The following NXPH1 variants were observed in gnomAD, a reference collection of about 807,000 sequenced individuals.
The protein encoded by NXPH1 is neurexophilin-1.
A neutral mutation model predicts 23.7 loss-of-function variants in NXPH1; 5 were observed. The ratio of observed to expected loss-of-function variants is 0.21; its 90% CI spans 0.11 to 0.44. NXPH1 has a LOEUF of 0.44. NXPH1 is among the 20% of genes least tolerant of loss of function. The pLI, the probability that NXPH1 is intolerant of heterozygous loss-of-function variation, is 0.99. For missense variants in NXPH1, 324 were observed against 321.6 expected, an observed-to-expected ratio of 1.01 and a Z score of -0.06; for synonymous variants, 144 against 122.2, an observed-to-expected ratio of 1.18 and a Z score of -1.18.
chr7:8,569,084 A>C (rs571012993), intron 2 of NXPH1, among the ~76,000 whole-genome samples: 1 of 151,932 alleles, frequency 6.6e-6, no homozygotes, highest in Non-Finnish European at 1.5e-5. Flanking sequence ...CAGGTTGCCA[A>C]TTCTGATGCA....
At chr7:8,460,978 ATTTGTGT>A (rs1230701711) in intron 2 of NXPH1, among the ~76,000 whole-genome samples, 3 of 152,142 alleles carry the variant, frequency 2.0e-5, no homozygotes, top group African/African-American at 7.2e-5. Context: ...ACTTTTGGCT[ATTTGTGT>A]TTGGATCTTT....
At chr7:8,738,158 G>A (rs10281608) in intron 2 of NXPH1, among the ~76,000 whole-genome samples, 27,174 of 152,068 alleles carry the variant, frequency 0.18, 2,527 homozygotes, top group Admixed American at 0.22. Flanking sequence ...CTCATTCTCC[G>A]TCCAGTTTTG....
At chr7:8,615,158 A>G (rs964151390) in intron 2 of NXPH1, among the ~76,000 whole-genome samples, 11 of 152,028 alleles carry the variant, frequency 7.2e-5, no homozygotes, top group Non-Finnish European at 1.2e-4. Context: ...GTGCCCAGGA[A>G]TTCATCTGCA....
At chr7:8,448,662 A>G (rs1246664946) in intron 2 of NXPH1, among the ~76,000 whole-genome samples, 1 of 152,098 alleles carries the variant, frequency 6.6e-6, no homozygotes, top group East Asian at 1.9e-4. Flanking sequence ...ACTAAAATAC[A>G]AAAAACGAGC....
intron 2 of NXPH1, among the ~76,000 whole-genome samples, chr7:8,533,596 A>T (rs563231692): frequency 3.9e-5 from 6 of 152,302 alleles, no homozygotes; most frequent in African/African-American, 1.4e-4. Context: ...TAGCGGTATT[A>T]TAGGCAACTC....
intron 2 of NXPH1, among the ~76,000 whole-genome samples, chr7:8,684,171 C>G (rs900540904): frequency 1.3e-5 from 2 of 152,140 alleles, no homozygotes; most frequent in Non-Finnish European, 2.9e-5. Flanking sequence ...GCTCATGGGT[C>G]TGCCTTTTCA....
intron 2 of NXPH1, among the ~76,000 whole-genome samples, chr7:8,639,929 ATGT>A (rs1024108442): frequency 6.6e-6 from 1 of 152,212 alleles, no homozygotes; most frequent in Non-Finnish European, 1.5e-5. Flanking sequence ...AGTTTCAGGT[ATGT>A]TGTTATTAGC....
chr7:8,552,114 C>CAAAAAAAAAAAAAAAAAAAAAAA (rs34390317), intron 2 of NXPH1, among the ~76,000 whole-genome samples: 1 of 61,748 alleles, frequency 1.6e-5, no homozygotes, highest in Non-Finnish European at 3.3e-5. Flanking sequence ...GAAAAAAAAC[C>CAAAAAAAAAAAAAAAAAAAAAAA]AAAAAAAAAA....
intron 2 of NXPH1, among the ~76,000 whole-genome samples, chr7:8,648,475 T>G (rs2115149686): frequency 6.6e-6 from 1 of 152,366 alleles, no homozygotes; most frequent in Admixed American, 6.5e-5. Flanking sequence ...TCCACCCGCG[T>G]TGTTGCAAAT....
chr7:8,496,449 A>G (rs1466040350), intron 2 of NXPH1, among the ~76,000 whole-genome samples: 1 of 152,110 alleles, frequency 6.6e-6, no homozygotes, highest in Non-Finnish European at 1.5e-5. Flanking sequence ...GATTGTGTTC[A>G]TAATTTACAG....
chr7:8,750,970 G>A (rs1023799907), intron 2 of NXPH1, 38 bp from the exon 3 acceptor site: 2 of 1,596,282 alleles, frequency 1.3e-6, no homozygotes, highest in African/African-American at 1.3e-5. Context: ...ATTCTCAGAT[G>A]CAGAGATGTA....
chr7:8,529,731 G>T (rs1817922133), intron 2 of NXPH1, among the ~76,000 whole-genome samples: 1 of 152,000 alleles, frequency 6.6e-6, no homozygotes. Flanking sequence ...GTGAGCTAGG[G>T]CATAGTCTGG....
intron 2 of NXPH1, among the ~76,000 whole-genome samples, chr7:8,450,266 CTAA>C (rs1398147449): frequency 6.6e-6 from 1 of 152,178 alleles, no homozygotes; most frequent in Non-Finnish European, 1.5e-5. Context: ...GGCATTTAAT[CTAA>C]TGAGTCCTGC....
chr7:8,527,756 G>C (rs577658742), intron 2 of NXPH1, among the ~76,000 whole-genome samples: 8 of 152,158 alleles, frequency 5.3e-5, no homozygotes, highest in African/African-American at 1.9e-4. Context: ...ATATGAAATT[G>C]TTTGACAGAC....
chr7:8,747,767 G>GCACACA (rs113706004), intron 2 of NXPH1, among the ~76,000 whole-genome samples: 1 of 150,464 alleles, frequency 6.6e-6, no homozygotes, highest in Non-Finnish European at 1.5e-5. Flanking sequence ...TTTTATTCAC[G>GCACACA]CACACACACA....
intron 2 of NXPH1, among the ~76,000 whole-genome samples, chr7:8,605,190 A>G (rs901227107): frequency 2.0e-5 from 3 of 152,164 alleles, no homozygotes; most frequent in Middle Eastern, 3.2e-3. Context: ...AAGGTGATAT[A>G]AAAATGCAGT....
intron 2 of NXPH1, among the ~76,000 whole-genome samples, chr7:8,636,710 G>A (rs532513813): frequency 2.6e-5 from 4 of 152,172 alleles, no homozygotes; most frequent in Non-Finnish European, 5.9e-5. Context: ...GATGACATAC[G>A]TTACACACGT....
intron 2 of NXPH1, among the ~76,000 whole-genome samples, chr7:8,628,113 A>G (rs974641617): frequency 6.6e-6 from 1 of 152,144 alleles, no homozygotes; most frequent in Non-Finnish European, 1.5e-5. Flanking sequence ...CATAACAGAT[A>G]TATATTTTTT....
At chr7:8,636,124 G>C (rs1423703867) in intron 2 of NXPH1, among the ~76,000 whole-genome samples, 1 of 152,052 alleles carries the variant, frequency 6.6e-6, no homozygotes, top group African/African-American at 2.4e-5. Context: ...ATTGTGCCCA[G>C]CTTCATTTAT....
Sources: gnomAD v4.1 joint callset for allele counts (sites outside exome capture counted in the v4.1 genomes callset) on GRCh38, gnomAD v4.1.1 for gene constraint, MANE v1.5 for transcripts, NCBI Gene and HGNC (gene_info 2026-07-23, HGNC 2026-07-21) for gene names.